The following KLF12 variants were observed in gnomAD, a reference collection of about 807,000 sequenced individuals.
KLF12 encodes KLF transcription factor 12, also known as Krueppel-like factor 12.
KLF12 carries 9 observed loss-of-function variants against 37.8 expected under a neutral mutation model. The observed-to-expected ratio is 0.24, with a 90% CI of 0.14 to 0.42. The LOEUF is 0.42. Ranked by LOEUF, KLF12 falls within the 10% of genes least tolerant of loss-of-function variation. The pLI is 1.00. For missense variants in KLF12, 411 were observed against 516.0 expected (o/e 0.80, Z 1.97); for synonymous variants, 208 against 202.1 (o/e 1.03, Z -0.25).
At chr13:74,277,917 C>G in the KLF12 span, among the ~76,000 whole-genome samples, 1 of 152,122 alleles carries the variant, frequency 6.6e-6, no homozygotes, top group Non-Finnish European at 1.5e-5. Context: ...GCACATCTAC[C>G]TTTCCACATG....
intron 2 of KLF12, among the ~76,000 whole-genome samples, chr13:73,948,070 C>T (rs116390362): frequency 1.6e-3 from 242 of 152,298 alleles, no homozygotes; most frequent in African/African-American, 5.5e-3. Context: ...TTGAAATACA[C>T]ATCCACTTTA....
chr13:74,282,957 G>A, the KLF12 span, among the ~76,000 whole-genome samples: 2 of 152,118 alleles, frequency 1.3e-5, no homozygotes, highest in Admixed American at 1.3e-4. Flanking sequence ...GATTTTCAAT[G>A]TGTTGATAGA....
chr13:73,878,778 C>T (rs1731729620), intron 3 of KLF12, among the ~76,000 whole-genome samples: 1 of 151,970 alleles, frequency 6.6e-6, no homozygotes, highest in South Asian at 2.1e-4. Flanking sequence ...GGATGGTGTC[C>T]TTGTGGACAG....
At chr13:74,270,186 C>T in the KLF12 span, among the ~76,000 whole-genome samples, 4 of 152,030 alleles carry the variant, frequency 2.6e-5, no homozygotes, top group East Asian at 1.9e-4. Context: ...CATGATGAGC[C>T]GTTCAGATCA....
At chr13:74,269,116 C>T in the KLF12 span, among the ~76,000 whole-genome samples, 1 of 152,102 alleles carries the variant, frequency 6.6e-6, no homozygotes, top group African/African-American at 2.4e-5. Flanking sequence ...ACTTAGAATT[C>T]TCAGGAATAA....
Position 73,869,980 on chromosome 13 carries a change from G to A in KLF12, c.124-23607C>T, listed in dbSNP as rs75146699. 7.4e-3 allele frequency among the ~76,000 whole-genome samples: 1,119 copies of A among 152,180 alleles called. 18 individuals carry two copies. The highest frequency in any genetic ancestry group is 0.026 in the African/African-American group (1,071 of 41,526). ...GTTTTCATGTCTAGCTTGTTTATAC[G>A]ATGTACGATTACCCAGTTAGAACAT... On this transcript the variant is annotated intron_variant, in intron 3 of 7. Coordinates refer to ENST00000377669, the MANE Select transcript of KLF12 (RefSeq NM_007249.5).
At chr13:74,194,417 G>C in the KLF12 span, among the ~76,000 whole-genome samples, 48 of 152,202 alleles carry the variant, frequency 3.2e-4, no homozygotes, top group Non-Finnish European at 5.9e-4. Context: ...AGGCTTGGAA[G>C]TCCAAGATCA....
At chr13:73,735,243 A>G (rs61189713) in intron 6 of KLF12, among the ~76,000 whole-genome samples, 6,485 of 151,758 alleles carry the variant, frequency 0.043, 506 homozygotes, top group African/African-American at 0.15. Flanking sequence ...GGCTGCAGTG[A>G]GCTATGATTG....
the KLF12 span, among the ~76,000 whole-genome samples, chr13:74,246,617 C>A: frequency 1.1e-4 from 17 of 152,226 alleles, no homozygotes; most frequent in African/African-American, 4.1e-4. Flanking sequence ...CACATCAACT[C>A]TCTCTCCTCC....
chr13:73,989,590 T>C (rs192314599), intron 2 of KLF12, among the ~76,000 whole-genome samples: 2 of 152,274 alleles, frequency 1.3e-5, no homozygotes, highest in Admixed American at 6.5e-5. Flanking sequence ...CAGAGCAGAC[T>C]CTGGAAATGA....
At chr13:74,140,704 T>C in the KLF12 span, among the ~76,000 whole-genome samples, 145,904 of 152,268 alleles carry the variant, frequency 0.96, 70,208 homozygotes, top group Non-Finnish European at 1. Flanking sequence ...ACAACTCCTG[T>C]TGCATAGCCT....
chr13:74,003,259 G>A (rs1269371880), intron 1 of KLF12, among the ~76,000 whole-genome samples: 5 of 152,138 alleles, frequency 3.3e-5, no homozygotes, highest in Admixed American at 1.3e-4. Context: ...TGAAAAATGG[G>A]GAAGACAAGA....
the KLF12 span, among the ~76,000 whole-genome samples, chr13:74,217,006 C>T: frequency 6.6e-6 from 1 of 152,152 alleles, no homozygotes; most frequent in Non-Finnish European, 1.5e-5. Context: ...CAGGAGAAAA[C>T]ATCTAGCAAT....
intron 6 of KLF12, among the ~76,000 whole-genome samples, chr13:73,755,264 A>G (rs910549543): frequency 7.9e-5 from 12 of 152,204 alleles, no homozygotes; most frequent in African/African-American, 2.7e-4. Context: ...AATTGGAGAG[A>G]TTTCTATTTT....
At chr13:74,189,682 A>G in the KLF12 span, among the ~76,000 whole-genome samples, 1 of 152,208 alleles carries the variant, frequency 6.6e-6, no homozygotes, top group East Asian at 1.9e-4. Flanking sequence ...TTTCTGGTGT[A>G]TCTTTCCAGA....
intron 1 of KLF12, among the ~76,000 whole-genome samples, chr13:74,068,362 A>G (rs1221700243): frequency 6.6e-6 from 1 of 152,208 alleles, no homozygotes; most frequent in Admixed American, 6.5e-5. Flanking sequence ...AAAATAAGAA[A>G]TATCTTCAAA....
chr13:74,262,068 A>G, the KLF12 span, among the ~76,000 whole-genome samples: 860 of 152,296 alleles, frequency 5.6e-3, 5 homozygotes, highest in African/African-American at 0.019. Context: ...CTGGTCTACA[A>G]TTTTGAAAGA....
intron 1 of KLF12, among the ~76,000 whole-genome samples, chr13:74,055,493 T>C (rs1873195280): frequency 6.6e-6 from 1 of 152,196 alleles, no homozygotes; most frequent in African/African-American, 2.4e-5. Flanking sequence ...CTCCAGTAGG[T>C]CTGATCTCGT....
At chr13:73,980,586 A>T (rs1891665927) in intron 2 of KLF12, among the ~76,000 whole-genome samples, 1 of 152,216 alleles carries the variant, frequency 6.6e-6, no homozygotes, top group Admixed American at 6.5e-5. Flanking sequence ...TCTCAGAGAA[A>T]ATAATTTCTA....
Sources: allele counts gnomAD v4.1 joint callset (sites outside exome capture counted in the v4.1 genomes callset), GRCh38; gene constraint gnomAD v4.1.1; transcripts MANE v1.5; gene names NCBI Gene and HGNC (gene_info 2026-07-23, HGNC 2026-07-21).